Variants in SLC24A2 observed in about 807,000 individuals in gnomAD.
SLC24A2 encodes the protein solute carrier family 24 member 2.
SLC24A2 carries 36 observed loss-of-function variants against 62.0 expected under a neutral mutation model. That is an observed-to-expected ratio of 0.58 (90% CI 0.44 to 0.77). SLC24A2 has a LOEUF of 0.77. SLC24A2 is among the 30% of genes least tolerant of loss of function. The probability of loss-of-function intolerance (pLI) is 0.00; values close to 1 mark genes in which losing one functional copy is unlikely to be tolerated. For missense variants in SLC24A2, 846 were observed against 817.9 expected, an observed-to-expected ratio of 1.03 and a Z score of -0.42; for synonymous variants, 358 against 294.0, an observed-to-expected ratio of 1.22 and a Z score of -2.23.
the SLC24A2 span, among the ~76,000 whole-genome samples, chr9:19,819,403 A>G: frequency 1.3e-5 from 2 of 152,170 alleles, no homozygotes; most frequent in Non-Finnish European, 2.9e-5. Flanking sequence ...TCAGTAGAGT[A>G]AACAGACAAC....
the SLC24A2 span, among the ~76,000 whole-genome samples, chr9:19,965,614 C>T: frequency 2.0e-4 from 30 of 152,118 alleles, no homozygotes; most frequent in Admixed American, 4.6e-4. Context: ...TTGATTTAAC[C>T]TGTTTTGTCT....
chr9:20,009,129 T>A, the SLC24A2 span, among the ~76,000 whole-genome samples: 1 of 152,082 alleles, frequency 6.6e-6, no homozygotes, highest in East Asian at 1.9e-4. Flanking sequence ...AAAAGTGAGT[T>A]GGAGGTGGAC....
chr9:19,576,590 G>A (rs1469160719), intron 6 of SLC24A2, among the ~76,000 whole-genome samples: 3 of 152,220 alleles, frequency 2.0e-5, no homozygotes, highest in East Asian at 3.8e-4. Context: ...GCGTGTATGC[G>A]TGTGCATGTA....
the SLC24A2 span, among the ~76,000 whole-genome samples, chr9:20,050,387 G>A: frequency 1.3e-5 from 2 of 152,014 alleles, no homozygotes; most frequent in African/African-American, 4.8e-5. Context: ...CTGCACTCTA[G>A]CCTGGATGAC....
chr9:19,912,188 C>T, the SLC24A2 span, among the ~76,000 whole-genome samples: 2 of 152,038 alleles, frequency 1.3e-5, no homozygotes, highest in Admixed American at 6.6e-5. Context: ...GCTTCCCCTA[C>T]ACAAACACAG....
At chr9:19,994,408 T>A in the SLC24A2 span, among the ~76,000 whole-genome samples, 1 of 152,196 alleles carries the variant, frequency 6.6e-6, no homozygotes, top group Admixed American at 6.5e-5. Flanking sequence ...GCTCTCACCC[T>A]CCTTTCTGAG....
At chr9:20,057,094 T>G in the SLC24A2 span, among the ~76,000 whole-genome samples, 1 of 152,230 alleles carries the variant, frequency 6.6e-6, no homozygotes, top group Non-Finnish European at 1.5e-5. Flanking sequence ...CCCAAGTGGG[T>G]ATATGTGTGT....
chr9:19,614,058 G>A (rs1234285243), intron 4 of SLC24A2, among the ~76,000 whole-genome samples: 1 of 152,114 alleles, frequency 6.6e-6, no homozygotes, highest in Non-Finnish European at 1.5e-5. Flanking sequence ...CAAATGGTAG[G>A]AGAAGATACT....
chr9:19,561,105 T>C (rs1207033154), intron 7 of SLC24A2, among the ~76,000 whole-genome samples: 3 of 151,650 alleles, frequency 2.0e-5, no homozygotes, highest in Non-Finnish European at 4.4e-5. Context: ...TTTTTTTGTA[T>C]TTTTAGTAGA....
At chr9:19,527,591 AAAT>A (rs1833497614) in intron 9 of SLC24A2, among the ~76,000 whole-genome samples, 1 of 152,328 alleles carries the variant, frequency 6.6e-6, no homozygotes, top group South Asian at 2.1e-4. Flanking sequence ...ATTGAGTTAA[AAAT>A]AATAACAATA....
At chr9:20,050,946 T>G in the SLC24A2 span, among the ~76,000 whole-genome samples, 4 of 152,028 alleles carry the variant, frequency 2.6e-5, no homozygotes, top group South Asian at 6.3e-4. Context: ...GAAAAAAAGT[T>G]AAATAATCAA....
chr9:19,939,494 C>T, the SLC24A2 span, among the ~76,000 whole-genome samples: 3 of 152,176 alleles, frequency 2.0e-5, no homozygotes, highest in African/African-American at 7.2e-5. Flanking sequence ...AAAAATGGCA[C>T]AGCTGTACAG....
At chr9:20,217,365 T>C in the SLC24A2 span, among the ~76,000 whole-genome samples, 491 of 152,342 alleles carry the variant, frequency 3.2e-3, 2 homozygotes, top group Non-Finnish European at 4.8e-3. Context: ...ACTTCTGGTG[T>C]CCAGGTGATG....
At chr9:19,666,718 C>T (rs1009438919) in intron 2 of SLC24A2, among the ~76,000 whole-genome samples, 2 of 152,010 alleles carry the variant, frequency 1.3e-5, no homozygotes, top group Non-Finnish European at 2.9e-5. Flanking sequence ...TTTTTTTCCC[C>T]TGTCTAAAGG....
chr9:19,686,129 AC>A (rs1176116121), intron 2 of SLC24A2, among the ~76,000 whole-genome samples: 1 of 152,198 alleles, frequency 6.6e-6, no homozygotes. Context: ...TCAAAAGAAG[AC>A]ATACACATGG....
chr9:19,736,779 G>T (rs750777032), intron 2 of SLC24A2, among the ~76,000 whole-genome samples: 2 of 152,182 alleles, frequency 1.3e-5, no homozygotes, highest in African/African-American at 2.4e-5. Flanking sequence ...TTGAGACCAG[G>T]AGTTTAAAAT....
chr9:19,952,229 T>A, the SLC24A2 span, among the ~76,000 whole-genome samples: 1 of 152,120 alleles, frequency 6.6e-6, no homozygotes, highest in Non-Finnish European at 1.5e-5. Context: ...CCTTAAGCAT[T>A]CTCTTCATAC....
the SLC24A2 span, among the ~76,000 whole-genome samples, chr9:19,916,981 G>GTTTTTTTTTTTTTTTTTT: frequency 4.2e-5 from 3 of 72,022 alleles, no homozygotes; most frequent in Middle Eastern, 0.022. Context: ...TAACTTACCT[G>GTTTTTTTTTTTTTTTTTT]TTTTTTTTTT....
At chr9:20,289,084 G>A in the SLC24A2 span, among the ~76,000 whole-genome samples, 2 of 152,090 alleles carry the variant, frequency 1.3e-5, no homozygotes, top group African/African-American at 2.4e-5. Context: ...AGTGATGCAG[G>A]CAACCTGTCC....
Sources: gnomAD v4.1 joint callset for allele counts (sites outside exome capture counted in the v4.1 genomes callset) on GRCh38, gnomAD v4.1.1 for gene constraint, MANE v1.5 for transcripts, NCBI Gene and HGNC (gene_info 2026-07-23, HGNC 2026-07-21) for gene names.